Variants in ANKRD26 observed in about 807,000 individuals in gnomAD.
ANKRD26 encodes the protein ankyrin repeat domain 26, also known as ankyrin repeat domain-containing protein 26.
In ANKRD26, 141 loss-of-function variants were observed where a neutral mutation model predicts 208.7. The ratio of observed to expected loss-of-function variants is 0.68; its 90% CI spans 0.59 to 0.78. ANKRD26 has a LOEUF of 0.78. Ranked by LOEUF, ANKRD26 falls within the 30% of genes least tolerant of loss-of-function variation. The pLI, the probability that ANKRD26 is intolerant of heterozygous loss-of-function variation, is 0.00. For synonymous variants in ANKRD26, 636 were observed against 660.4 expected (o/e 0.96, Z 0.57); for missense variants, 1,889 against 1,938.7 (o/e 0.97, Z 0.48).
chr10:27,085,686 T>G (rs760230814), intron 5 of ANKRD26, among the ~76,000 whole-genome samples: 10 of 152,148 alleles, frequency 6.6e-5, no homozygotes, highest in Non-Finnish European at 1.3e-4. Flanking sequence ...TAATTTTTAG[T>G]GACCCAAATC....
Position 26,985,439 on chromosome 10 carries a change from G to A in ANKRD26, c.490-2626C>T, listed in dbSNP as rs77655442. ...ATCATATTTCGCTTTCCAGTGACAG[G>A]TATCCCCCTTTCTGTTTCCAAGTAG... On this transcript the variant is annotated intron_variant and NMD_transcript_variant, in intron 3 of 5. Transcript: ENST00000674670. Among the ~76,000 whole-genome samples, 836 of 152,238 alleles carry A rather than the reference G, an allele frequency of 5.5e-3. 28 individuals are homozygous for A. The East Asian group carries it at 0.1, about 18-fold the overall frequency.
chr10:27,052,498 T>C (rs2054697091), intron 16 of ANKRD26, among the ~76,000 whole-genome samples: 1 of 151,926 alleles, frequency 6.6e-6, no homozygotes, highest in African/African-American at 2.4e-5. Context: ...AACTGGAGAG[T>C]AGGGAAAGTT....
Position 27,040,122 on chromosome 10 carries a change from C to T in ANKRD26, c.2218G>A (p.Glu740Lys). ...AGTTCACAGTGATTTTTTTTAAGTT[C>T]TAATAATCTTTCACATGAAAGAGCT... ...DAALSCERLL[E>K]LKKNHCELLT... Residue 740 changes from glutamate to lysine, a missense_variant, in exon 21 of 34, where the codon GAA becomes AAA. Coordinates refer to ENST00000376087, the MANE Select transcript of ANKRD26 (RefSeq NM_014915.3). 6.2e-7 allele frequency: 1 copy of T among 1,612,640 alleles called. No homozygotes were observed. The highest frequency in any genetic ancestry group is 1.1e-5 in the South Asian group (1 of 91,018).
chr10:27,061,031 C>T (rs1020936112), intron 13 of ANKRD26, 113 bp downstream of exon 13: 3 of 838,082 alleles, frequency 3.6e-6, no homozygotes, highest in Non-Finnish European at 6.1e-6. Context: ...TATGATGCCA[C>T]TTTACTTGGA....
chr10:26,980,026 T>C (rs984350128), intron 5 of ANKRD26, among the ~76,000 whole-genome samples: 2 of 152,246 alleles, frequency 1.3e-5, no homozygotes, highest in Non-Finnish European at 2.9e-5. Flanking sequence ...TGTGGTGTTT[T>C]ACAAGAGTGG....
At chr10:26,966,183 G>A in the ANKRD26 span, among the ~76,000 whole-genome samples, 16 of 152,070 alleles carry the variant, frequency 1.1e-4, no homozygotes, top group African/African-American at 2.7e-4. Context: ...ACATGCACAC[G>A]TATGTTTACT....
At chr10:27,070,633 G>A (rs1444475086) in intron 9 of ANKRD26, among the ~76,000 whole-genome samples, 2 of 151,976 alleles carry the variant, frequency 1.3e-5, no homozygotes, top group African/African-American at 4.8e-5. Flanking sequence ...CTCATTGCTG[G>A]AGGTACTTTT....
chr10:27,050,902 CTT>C (rs2054631843), intron 16 of ANKRD26, among the ~76,000 whole-genome samples: 2 of 152,142 alleles, frequency 1.3e-5, no homozygotes, highest in African/African-American at 2.4e-5. Context: ...TTCCTTAACT[CTT>C]GTTACTTAGA....
At chr10:27,061,809 C>T in intron 12 of ANKRD26, 1 of 434,152 alleles carries the variant, frequency 2.3e-6, no homozygotes, top group Non-Finnish European at 3.1e-6. Context: ...CAGCAACCCA[C>T]CCACCTTGGC....
rs561705414 is a variant in ANKRD26, at chr10:27,048,876, CCAT to C, written c.1736_1738del (p.Asp579del). The C allele has an allele frequency of 2.6e-5, 42 of 1,612,246 alleles. No homozygotes were observed. Among genetic ancestry groups the C allele is most frequent in the South Asian group, 1.8e-4 (16 of 90,914 alleles). On this transcript the variant is annotated inframe_deletion, in exon 17 of 34. Transcript: ENST00000376087. ...TCCACTCTTTCTTTTTTGAATTAAT[CCAT>C]CATCATCATCATCATCTTCAGCATC...
In ANKRD26 at chr10:27,097,453, C is replaced by T. The variant is rs118004492; in HGVS notation, c.242+2632G>A. Among the ~76,000 whole-genome samples, 287 of 152,038 alleles carry T rather than the reference C, an allele frequency of 1.9e-3. 3 individuals carry two copies. In the East Asian group the frequency reaches 0.049, roughly 26 times the overall value. ...CTCCAGCCTGGGCAACAGAGGGAGA[C>T]TCTGTCTAAGAAAAAAAGAAAAAAG... On this transcript the variant is annotated intron_variant, in intron 1 of 33. Coordinates refer to ENST00000376087, the MANE Select transcript of ANKRD26 (RefSeq NM_014915.3).
Position 27,093,373 on chromosome 10 carries a change from AT to A in ANKRD26, c.506del (p.Asp169ValfsTer19), listed in dbSNP as rs750685262. Reference sequence around the variant, plus strand: ...CCTTGTTTTTTGCTTCAATATTTGCATCATACAAAAGCAGCTTTGTTGCTAC... The same window carrying A: ...CCTTGTTTTTTGCTTCAATATTTGCACATACAAAAGCAGCTTTGTTGCTAC... ...ISVATKLLLYDANIEAKNKDD... is the reference protein window; with the variant it reads ...ISVATKLLLYXANIEAKNKDD... On this transcript the variant is annotated frameshift_variant, in exon 3 of 34. Coordinates refer to ENST00000376087, the MANE Select transcript of ANKRD26 (RefSeq NM_014915.3). LOFTEE classifies it high-confidence loss of function. 6.2e-7 allele frequency: 1 copy of A among 1,614,128 alleles called. No individual in the cohort carries two copies. Among genetic ancestry groups the A allele is most frequent in the East Asian group, 2.2e-5 (1 of 44,880 alleles).
chr10:26,962,855 G>A, the ANKRD26 span, among the ~76,000 whole-genome samples: 3 of 152,138 alleles, frequency 2.0e-5, no homozygotes, highest in African/African-American at 7.2e-5. Flanking sequence ...TTAGGGAGGA[G>A]GTTTGCATCT....
chr10:27,077,793 C>G, intron 7 of ANKRD26, 100 bp from the exon 8 acceptor site: 1 of 1,063,898 alleles, frequency 9.4e-7, no homozygotes, highest in Non-Finnish European at 1.4e-6. Flanking sequence ...TGATCTAACA[C>G]AAAGAACAAA....
At chr10:27,001,493 T>C (rs931588339), downstream of ANKRD26, among the ~76,000 whole-genome samples, 2 of 152,130 alleles carry the variant, frequency 1.3e-5, no homozygotes, top group African/African-American at 4.8e-5. Context: ...GAACTTGAGG[T>C]GGTGGTGTCT....
At chr10:26,953,991 A>C in the ANKRD26 span, among the ~76,000 whole-genome samples, 1 of 152,210 alleles carries the variant, frequency 6.6e-6, no homozygotes, top group Non-Finnish European at 1.5e-5. Flanking sequence ...TAATCTAGTT[A>C]ATTCCACACA....
At chr10:27,040,408 TA>T (rs1402634677) in intron 20 of ANKRD26, among the ~76,000 whole-genome samples, 5 of 152,096 alleles carry the variant, frequency 3.3e-5, no homozygotes, top group Admixed American at 3.3e-4. Context: ...AAGTGACAAT[TA>T]TGAATTCAGA....
chr10:27,090,051 C>T (rs2056249264), intron 4 of ANKRD26, among the ~76,000 whole-genome samples: 1 of 152,078 alleles, frequency 6.6e-6, no homozygotes, highest in Non-Finnish European at 1.5e-5. Flanking sequence ...GTAGTCCATC[C>T]CTAGACATAT....
chr10:27,040,397 A>T (rs544772426), intron 20 of ANKRD26, among the ~76,000 whole-genome samples: 14 of 152,358 alleles, frequency 9.2e-5, no homozygotes, highest in Admixed American at 8.5e-4. Context: ...AAATACAAAA[A>T]AAGTGACAAT....
Sources: allele counts gnomAD v4.1 joint callset (sites outside exome capture counted in the v4.1 genomes callset), GRCh38; gene constraint gnomAD v4.1.1; transcripts MANE v1.5; gene names NCBI Gene and HGNC (gene_info 2026-07-23, HGNC 2026-07-21).